PCM1: variants seen among roughly 807,000 people sequenced by gnomAD.
PCM1 encodes the protein pericentriolar material 1 protein.
Under a neutral mutation model 241.9 loss-of-function variants are expected in PCM1, and 157 were observed. The ratio of observed to expected loss-of-function variants is 0.65; its 90% CI spans 0.57 to 0.74. The LOEUF is 0.74. Among genes scored for constraint, PCM1 ranks in the 30% least tolerant of loss-of-function variants. The probability of loss-of-function intolerance (pLI) is 0.00; values close to 1 mark genes in which losing one functional copy is unlikely to be tolerated. For synonymous variants in PCM1, 1,085 were observed against 784.9 expected, an observed-to-expected ratio of 1.38 and a Z score of -6.39; for missense variants, 3,478 against 2,360.1, an observed-to-expected ratio of 1.47 and a Z score of -9.81.
At position 18,018,822 on chromosome 8, in the gene PCM1, AT is replaced by A. The variant is rs1167553530; in HGVS notation, c.5841+3983del. The stretch of plus-strand genomic sequence containing the variant: ...CAGATTCCGTCTCAAAAAAAAAAAA[AT>A]ATGTATATATATATATGTGTGTGTG... On this transcript the variant is annotated intron_variant, in intron 36 of 38. Coordinates refer to ENST00000325083, the MANE Select transcript of PCM1 (RefSeq NM_006197.4). 1.0e-4 allele frequency among the ~76,000 whole-genome samples: 14 copies of A among 138,168 alleles called. 2 individuals carry two copies. Among genetic ancestry groups the A allele is most frequent in the African/African-American group, 2.5e-4 (9 of 35,534 alleles). 90.6% of individuals were successfully genotyped at this position (138,168 alleles called of 152,430 possible). A position where few individuals can be genotyped will look rare whatever the true frequency, so the allele number is the denominator to read the frequency against.
At chr8:17,966,845 C>G in intron 20 of PCM1, 135 bp from the exon 21 acceptor site, 1 of 752,718 alleles carries the variant, frequency 1.3e-6, no homozygotes, top group South Asian at 1.8e-5. Context: ...ATAGAGCAAG[C>G]ACGTATTTGT....
intron 15 of PCM1, among the ~76,000 whole-genome samples, chr8:17,961,044 A>G (rs2071649355): frequency 6.6e-6 from 1 of 152,190 alleles, no homozygotes; most frequent in African/African-American, 2.4e-5. Flanking sequence ...TTTTGCAGTT[A>G]TGGACCAGCA....
chr8:17,989,645 G>A (rs922489345), intron 26 of PCM1, among the ~76,000 whole-genome samples: 1 of 151,936 alleles, frequency 6.6e-6, no homozygotes, highest in Non-Finnish European at 1.5e-5. Context: ...TAAATATTCT[G>A]CAAGGCTACT....
At chr8:17,931,951 G>T (rs1460398503) in intron 2 of PCM1, among the ~76,000 whole-genome samples, 3 of 152,088 alleles carry the variant, frequency 2.0e-5, no homozygotes, top group Non-Finnish European at 4.4e-5. Context: ...AAAATCACCA[G>T]TGCCTACCCT....
Position 17,952,963 on chromosome 8 carries a change from T to TA in PCM1, c.1072-5dup, listed in dbSNP as rs1167743964. ...ATTCTTCTTTTTTGTTGTTTTTTTT[T>TA]AATAAGCCTCCAGCTGTTCCAGACA... is the stretch of plus-strand genomic sequence containing the variant. On this transcript the variant is annotated splice_polypyrimidine_tract_variant and splice_region_variant and intron_variant, in intron 8 of 38. Transcript: ENST00000325083. The TA allele has an allele frequency of 1.3e-6, 2 of 1,519,634 alleles. No homozygotes were observed. Among genetic ancestry groups the TA allele is most frequent in the South Asian group, 1.3e-5 (1 of 79,018 alleles). 94.1% of individuals were successfully genotyped at this position (1,519,634 alleles called of 1,614,324 possible).
At chr8:17,975,519 G>C (rs2078448874) in intron 23 of PCM1, among the ~76,000 whole-genome samples, 2 of 152,046 alleles carry the variant, frequency 1.3e-5, no homozygotes, top group African/African-American at 4.8e-5. Flanking sequence ...GAAAAGTTTA[G>C]AAAGCCTTTC....
At chr8:17,987,591 T>C (rs997862351) in intron 26 of PCM1, among the ~76,000 whole-genome samples, 3 of 151,928 alleles carry the variant, frequency 2.0e-5, no homozygotes, top group African/African-American at 7.2e-5. Flanking sequence ...GTAATTGTAT[T>C]TAGTATTACT....
chr8:17,945,993 A>G (rs1247221301), intron 6 of PCM1, among the ~76,000 whole-genome samples: 3 of 152,216 alleles, frequency 2.0e-5, no homozygotes, highest in African/African-American at 7.2e-5. Context: ...TCGGTGATGA[A>G]AAATACAATT....
intron 2 of PCM1, among the ~76,000 whole-genome samples, chr8:17,933,304 C>T (rs1221856554): frequency 1.3e-5 from 2 of 152,202 alleles, no homozygotes; most frequent in African/African-American, 2.4e-5. Context: ...ATATAGACAG[C>T]ATTGTTGAAA....
At chr8:18,008,563 T>C (rs2091932579) in intron 30 of PCM1, among the ~76,000 whole-genome samples, 1 of 151,982 alleles carries the variant, frequency 6.6e-6, no homozygotes, top group South Asian at 2.1e-4. Context: ...GCCAGAAAGG[T>C]TGGGGACTGC....
intron 2 of PCM1, among the ~76,000 whole-genome samples, chr8:17,928,613 C>A (rs62500085): frequency 9.3e-5 from 11 of 118,274 alleles, no homozygotes; most frequent in African/African-American, 2.9e-4. Flanking sequence ...TTAGTATCTC[C>A]CTCTTTTTTT....
rs763621016 is a variant in PCM1 at position 18,014,746 on chromosome 8, C to CTAGAGTCAAAGAAGTTAA, written c.5748_5765dup (p.Val1921_Lys1922insAsnArgValLysGluVal). 8 of 1,613,104 alleles carry CTAGAGTCAAAGAAGTTAA rather than the reference C, an allele frequency of 5.0e-6. No homozygotes were observed. In the South Asian group the frequency reaches 8.8e-5, roughly 18 times the overall value. On this transcript the variant is annotated inframe_insertion, in exon 36 of 39. Transcript: ENST00000325083. ...TTACCTGAAATGGAACCCTTAGTGC[C>CTAGAGTCAAAGAAGTTAA]TAGAGTCAAAGAAGTTAAATCTGCT...
chr8:18,013,974 G>A lies in PCM1; in HGVS notation c.5522G>A (p.Arg1841His), dbSNP rs749424352. 1.6e-5 allele frequency: 25 copies of A among 1,597,990 alleles called. No homozygotes were observed. The African/African-American group carries it at 2.0e-4, about 13-fold the overall frequency. ...ATTTTTCCCTTCTAGGTCCTACAAC[G>A]TGACTTTAAAAAGACAGCAGAAAGC... is the stretch of plus-strand genomic sequence containing the variant. ...ENEHDEQVLQ[R>H]DFKKTAESKN... The change falls in exon 35 of 39, where the codon CGT (arginine) becomes CAT (histidine). Residue 1841 changes from arginine (R) to histidine (H), a missense_variant. Arg to His is a conservative substitution (Grantham distance 29). Transcript: ENST00000325083.
At chr8:17,990,393 GCAGT>G (rs1443279479) in intron 27 of PCM1, among the ~76,000 whole-genome samples, 1 of 151,602 alleles carries the variant, frequency 6.6e-6, no homozygotes, top group Non-Finnish European at 1.5e-5. Flanking sequence ...TTTGAGTTAA[GCAGT>G]CAGTTTTCTT....
At chr8:18,026,698 C>A (rs1396424600) in intron 38 of PCM1, among the ~76,000 whole-genome samples, 1 of 151,872 alleles carries the variant, frequency 6.6e-6, no homozygotes, top group East Asian at 1.9e-4. Flanking sequence ...ACCTCTCTCT[C>A]CTCCTCCTCT....
rs374914448 is a variant in PCM1, at chr8:17,938,771, C to A, written c.374C>A (p.Ala125Glu). The A allele has an allele frequency of 6.2e-7, 1 of 1,611,704 alleles. No individual in the cohort carries two copies. Among genetic ancestry groups the A allele is most frequent in the African/African-American group, 1.3e-5 (1 of 74,894 alleles). Reference sequence around the variant, plus strand: ...ATTGGAAGTGATTCCCAAGGTAGAGCAACAGCTGCTAACAACAAACGTCAG... The same window carrying A: ...ATTGGAAGTGATTCCCAAGGTAGAGAAACAGCTGCTAACAACAAACGTCAG... ...RSIGSDSQGR[A>E]TAANNKRQLS... The change falls in exon 5 of 39, where the codon GCA (alanine) becomes GAA (glutamate). Residue 125 changes from alanine to glutamate, a missense_variant. By Grantham distance (107) the Ala-to-Glu change is moderately radical. Transcript: ENST00000325083.
chr8:17,937,043 T>G, intron 3 of PCM1, 91 bp from the exon 4 acceptor site: 1 of 1,010,342 alleles, frequency 9.9e-7, no homozygotes, highest in South Asian at 1.8e-5. Context: ...TCTTTTTTAA[T>G]TTTAAAACTG....
intron 29 of PCM1, among the ~76,000 whole-genome samples, chr8:17,999,027 G>C (rs1418480748): frequency 1.3e-5 from 2 of 152,066 alleles, no homozygotes; most frequent in African/African-American, 2.4e-5. Flanking sequence ...TGCCAGGCCT[G>C]GGACTCACCC....
intron 18 of PCM1, among the ~76,000 whole-genome samples, 161 bp downstream of exon 18, chr8:17,964,929 G>C (rs541468414): frequency 6.6e-6 from 1 of 152,166 alleles, no homozygotes; most frequent in African/African-American, 2.4e-5. Context: ...CTCAAGTTAA[G>C]GGGCTCAGTT....
Sources: gnomAD v4.1 joint callset for allele counts (sites outside exome capture counted in the v4.1 genomes callset) on GRCh38, gnomAD v4.1.1 for gene constraint, MANE v1.5 for transcripts, NCBI Gene and HGNC (gene_info 2026-07-23, HGNC 2026-07-21) for gene names.